SORCS2: variants seen among roughly 807,000 people sequenced by gnomAD.
SORCS2 encodes sortilin related VPS10 domain containing receptor 2.
SORCS2 carries 100 observed loss-of-function variants against 141.6 expected under a neutral mutation model. The observed-to-expected ratio is 0.71, with a 90% CI of 0.60 to 0.83. The LOEUF (loss-of-function observed/expected upper bound fraction) is 0.83, where lower values mean the gene tolerates loss of function less well. Among genes scored for constraint, SORCS2 ranks in the 40% least tolerant of loss-of-function variants. SORCS2 has a pLI of 0.00. For synonymous variants in SORCS2, 789 were observed against 676.9 expected (o/e 1.17, Z -2.57); for missense variants, 1,646 against 1,560.2 (o/e 1.05, Z -0.93).
chr4:7,496,730 A>G (rs1731654639), intron 2 of SORCS2, among the ~76,000 whole-genome samples: 1 of 152,136 alleles, frequency 6.6e-6, no homozygotes, highest in Admixed American at 6.5e-5. Flanking sequence ...GAAGGGAGCG[A>G]GGCGTGGGTG....
intron 14 of SORCS2, among the ~76,000 whole-genome samples, chr4:7,711,381 C>A (rs1354848592): frequency 2.6e-5 from 4 of 152,214 alleles, no homozygotes; most frequent in Non-Finnish European, 5.9e-5. Context: ...CCTTTCAGCT[C>A]ATCATGGGCC....
At chr4:7,387,904 A>G (rs1041859101) in intron 1 of SORCS2, among the ~76,000 whole-genome samples, 2 of 73,658 alleles carry the variant, frequency 2.7e-5, no homozygotes, top group Non-Finnish European at 5.3e-5. Flanking sequence ...ACACAGAGAT[A>G]TACACACATG....
intron 3 of SORCS2, among the ~76,000 whole-genome samples, chr4:7,571,721 A>G (rs992205791): frequency 1.3e-5 from 2 of 152,160 alleles, no homozygotes; most frequent in Non-Finnish European, 2.9e-5. Context: ...TCACCAGGAA[A>G]AGGGGCCAAG....
chr4:7,416,046 G>A (rs1725644601), intron 2 of SORCS2, among the ~76,000 whole-genome samples: 1 of 152,212 alleles, frequency 6.6e-6, no homozygotes, highest in African/African-American at 2.4e-5. Context: ...GGAGTTTAGA[G>A]CGGCTAAAGC....
intron 1 of SORCS2, among the ~76,000 whole-genome samples, chr4:7,387,734 G>GAAATA (rs1167475784): frequency 2.6e-5 from 3 of 117,314 alleles, no homozygotes; most frequent in African/African-American, 1.0e-4. Flanking sequence ...ATACACATTT[G>GAAATA]CACACATGCA....
chr4:7,338,944 G>C (rs908972735), intron 1 of SORCS2, among the ~76,000 whole-genome samples: 4 of 152,150 alleles, frequency 2.6e-5, no homozygotes, highest in Non-Finnish European at 5.9e-5. Context: ...GGGAGCTGTT[G>C]GTCTTTACAG....
chr4:7,664,583 C>T lies in SORCS2; in HGVS notation c.1071+112C>T. ...AAGAGGCAATAAAACGGGTATTTCACTCTCAAATGCTACTTCGCAGGTCAC... is the reference window on the plus strand; with the variant it reads ...AAGAGGCAATAAAACGGGTATTTCATTCTCAAATGCTACTTCGCAGGTCAC... On this transcript the variant is annotated intron_variant, in intron 7 of 26. Transcript: ENST00000507866. This position sits in a 1 kb window ranked among gnomAD's most constrained non-coding sequence, Gnocchi z 4.7. 7.0e-6 allele frequency: 5 copies of T among 718,180 alleles called. No individual in the cohort carries two copies. In the South Asian group the frequency reaches 9.7e-5, roughly 14 times the overall value. 44.5% of individuals were successfully genotyped at this position (718,180 alleles called of 1,614,324 possible). A position where few individuals can be genotyped will look rare whatever the true frequency, so the allele number is the denominator to read the frequency against.
intron 2 of SORCS2, among the ~76,000 whole-genome samples, chr4:7,423,137 G>A (rs768488741): frequency 6.6e-5 from 10 of 152,060 alleles, no homozygotes; most frequent in African/African-American, 1.4e-4. Flanking sequence ...ACCCATCCAC[G>A]CTAGGGGAAG....
chr4:7,394,060 C>T (rs1307950523), intron 1 of SORCS2, among the ~76,000 whole-genome samples: 1 of 150,570 alleles, frequency 6.6e-6, no homozygotes, highest in Non-Finnish European at 1.5e-5. Flanking sequence ...TGGGCAAAGC[C>T]AACGCCGCAG....
At chr4:7,469,309 C>T (rs1019943181) in intron 2 of SORCS2, among the ~76,000 whole-genome samples, 1 of 150,504 alleles carries the variant, frequency 6.6e-6, no homozygotes, top group Non-Finnish European at 1.5e-5. Flanking sequence ...AATGATGTAC[C>T]TCATAGCAAG....
At chr4:7,528,772 C>T (rs901552188) in intron 2 of SORCS2, among the ~76,000 whole-genome samples, 13 of 152,100 alleles carry the variant, frequency 8.5e-5, no homozygotes, top group Admixed American at 2.6e-4. Context: ...GTACCTGGAA[C>T]GCAGCTGCCA....
intron 1 of SORCS2, among the ~76,000 whole-genome samples, chr4:7,203,127 T>C (rs772114600): frequency 1.3e-5 from 2 of 152,194 alleles, no homozygotes; most frequent in Non-Finnish European, 2.9e-5. Context: ...TGAGCCTGAG[T>C]TCTTTTTAAA....
chr4:7,673,347 G>A (rs1218799144), intron 8 of SORCS2, among the ~76,000 whole-genome samples: 2 of 152,228 alleles, frequency 1.3e-5, no homozygotes, highest in Non-Finnish European at 2.9e-5. Flanking sequence ...CAGAGAGCCA[G>A]AGATCTGTGT....
intron 1 of SORCS2, among the ~76,000 whole-genome samples, chr4:7,238,722 C>T (rs138691987): frequency 9.5e-4 from 145 of 152,304 alleles, no homozygotes; most frequent in African/African-American, 3.5e-3. Flanking sequence ...TTGAATCCAG[C>T]TCCTCCTGTC....
chr4:7,385,497 C>T (rs1723238533), intron 1 of SORCS2, among the ~76,000 whole-genome samples: 1 of 152,190 alleles, frequency 6.6e-6, no homozygotes, highest in African/African-American at 2.4e-5. Flanking sequence ...TGTCCTAGCT[C>T]CCTGGGGGCT....
intron 1 of SORCS2, among the ~76,000 whole-genome samples, chr4:7,361,630 C>T (rs2109024329): frequency 6.6e-6 from 1 of 152,246 alleles, no homozygotes; most frequent in Middle Eastern, 3.4e-3. Flanking sequence ...AGAGAGTCTG[C>T]TTGCCTGACT....
chr4:7,207,379 C>A (rs559211477), intron 1 of SORCS2, among the ~76,000 whole-genome samples: 2 of 152,214 alleles, frequency 1.3e-5, no homozygotes, highest in Non-Finnish European at 2.9e-5. Context: ...CGTGAGTCAC[C>A]GGGCTGCTCT....
At chr4:7,653,883 C>T (rs1243485476) in intron 4 of SORCS2, among the ~76,000 whole-genome samples, 1 of 152,206 alleles carries the variant, frequency 6.6e-6, no homozygotes, top group Admixed American at 6.5e-5. Flanking sequence ...CTCTGTGAGA[C>T]CCCTCTGGAT....
chr4:7,247,903 C>A (rs1355228458), intron 1 of SORCS2, among the ~76,000 whole-genome samples: 1 of 152,182 alleles, frequency 6.6e-6, no homozygotes, highest in East Asian at 1.9e-4. Context: ...CCACTCAGAT[C>A]CTAGGAGGGC....
Sources: allele counts gnomAD v4.1 joint callset (sites outside exome capture counted in the v4.1 genomes callset), GRCh38; gene constraint gnomAD v4.1.1; non-coding constraint Gnocchi (gnomAD v3.1); transcripts MANE v1.5; gene names NCBI Gene and HGNC (gene_info 2026-07-23, HGNC 2026-07-21).